Variants in CYRIB observed in about 807,000 individuals in gnomAD.
CYRIB encodes CYFIP-related Rac1 interactor B.
A neutral mutation model predicts 44.2 loss-of-function variants in CYRIB; 8 were observed. That is an observed-to-expected ratio of 0.18 (90% CI 0.11 to 0.33). The LOEUF (loss-of-function observed/expected upper bound fraction) is 0.33, where lower values mean the gene tolerates loss of function less well. Among genes scored for constraint, CYRIB ranks in the 10% least tolerant of loss-of-function variants. CYRIB has a pLI of 1.00. For missense variants in CYRIB, 185 were observed against 382.8 expected (o/e 0.48, Z 4.31); for synonymous variants, 131 against 127.2 (o/e 1.03, Z -0.20).
At chr8:129,974,563 T>C (rs1184227949) in intron 1 of CYRIB, among the ~76,000 whole-genome samples, 1 of 152,142 alleles carries the variant, frequency 6.6e-6, no homozygotes, top group African/African-American at 2.4e-5. Context: ...TAAAGTTAAT[T>C]ATCTATTATG....
chr8:129,927,618 A>G (rs1289459416), intron 1 of CYRIB, among the ~76,000 whole-genome samples: 1 of 152,238 alleles, frequency 6.6e-6, no homozygotes, highest in African/African-American at 2.4e-5. Flanking sequence ...ATATGCATAA[A>G]GATGGCTGGA....
chr8:129,915,341 T>C (rs1241133743), intron 1 of CYRIB, among the ~76,000 whole-genome samples: 1 of 152,142 alleles, frequency 6.6e-6, no homozygotes. Context: ...CAACAATAAA[T>C]ATAAATCTCA....
chr8:129,964,807 A>G (rs1225512325), intron 2 of CYRIB, among the ~76,000 whole-genome samples: 8 of 152,226 alleles, frequency 5.3e-5, no homozygotes, highest in African/African-American at 1.9e-4. Context: ...TCGAGGCTGC[A>G]GTGAGCCGTG....
chr8:129,967,350 GGTTTT>G lies in CYRIB; in HGVS notation c.-243+3588_-243+3592del, dbSNP rs371763669. Among the ~76,000 whole-genome samples, 359 of 151,248 alleles carry G rather than the reference GGTTTT, an allele frequency of 2.4e-3. 4 individuals carry two copies. Among genetic ancestry groups the G allele is most frequent in the African/African-American group, 8.1e-3 (334 of 41,136 alleles). On this transcript the variant is annotated intron_variant, in intron 2 of 14. Coordinates refer to the CYRIB transcript ENST00000401979. ...TTTCTTTCTTCTTTTTCTTTTCTTT[GGTTTT>G]GTTTTGTTTTGTTTTGTTTTTTTGT...
chr8:129,981,019 C>A (rs929711653), intron 1 of CYRIB, among the ~76,000 whole-genome samples: 1 of 151,456 alleles, frequency 6.6e-6, no homozygotes, highest in African/African-American at 2.4e-5. Context: ...AGACAAACAA[C>A]AAAACAACAT....
At chr8:129,956,345 T>A (rs1372112274) in intron 2 of CYRIB, among the ~76,000 whole-genome samples, 1 of 152,112 alleles carries the variant, frequency 6.6e-6, no homozygotes, top group East Asian at 1.9e-4. Context: ...AACATTAGAA[T>A]CATCTGGAGA....
chr8:129,855,821 T>C, intron 5 of CYRIB, 74 bp from the exon 8 acceptor site: 2 of 1,329,082 alleles, frequency 1.5e-6, no homozygotes, highest in Non-Finnish European at 1.0e-6. Context: ...AAGTGAACAA[T>C]TCATAAATGT....
At chr8:129,936,979 T>G (rs1186789303) in intron 1 of CYRIB, among the ~76,000 whole-genome samples, 1 of 152,190 alleles carries the variant, frequency 6.6e-6, no homozygotes, top group Non-Finnish European at 1.5e-5. Context: ...AGTGTTGGGA[T>G]TACAGGCGTG....
At chr8:130,012,073 A>G (rs2097235558) in intron 1 of CYRIB, among the ~76,000 whole-genome samples, 2 of 152,122 alleles carry the variant, frequency 1.3e-5, no homozygotes. Flanking sequence ...AGATTATCTT[A>G]AATATTTATA....
At chr8:129,930,421 TA>T (rs2090754286) in intron 1 of CYRIB, among the ~76,000 whole-genome samples, 1 of 133,290 alleles carries the variant, frequency 7.5e-6, no homozygotes, top group African/African-American at 2.7e-5. Flanking sequence ...CTACCCAAAC[TA>T]GGCATACTGA....
intron 1 of CYRIB, among the ~76,000 whole-genome samples, chr8:129,924,535 C>G (rs2086282998): frequency 6.6e-6 from 1 of 152,122 alleles, no homozygotes; most frequent in Admixed American, 6.5e-5. Flanking sequence ...TGGGATGTAA[C>G]TATAAAAAAC....
intron 10 of CYRIB, 93 bp downstream of exon 12, chr8:129,849,150 G>C (rs1459502010): frequency 8.2e-7 from 1 of 1,212,454 alleles, no homozygotes; most frequent in Non-Finnish European, 1.1e-6. Context: ...AGTTTTGTGA[G>C]AGTCCGGTTT....
intron 2 of CYRIB, among the ~76,000 whole-genome samples, chr8:129,963,092 A>C (rs1273707997): frequency 6.6e-6 from 1 of 152,222 alleles, no homozygotes; most frequent in African/African-American, 2.4e-5. Context: ...TTGTTGAACT[A>C]CTGGAACAGT....
intron 2 of CYRIB, chr8:129,894,469 T>C (rs962548790): frequency 1.1e-4 from 16 of 152,342 alleles, no homozygotes; most frequent in Admixed American, 2.6e-4. Flanking sequence ...TTCTGTTGTT[T>C]CGCAGCCCCA....
intron 1 of CYRIB, among the ~76,000 whole-genome samples, chr8:129,910,195 T>C (rs1485406044): frequency 6.6e-6 from 1 of 152,194 alleles, no homozygotes; most frequent in Non-Finnish European, 1.5e-5. Context: ...CCAGAATCCC[T>C]TCACTCACCC....
intron 4 of CYRIB, 34 bp from the exon 7 acceptor site, chr8:129,862,368 T>TA (rs79017100): frequency 0.031 from 38,419 of 1,226,836 alleles, 63 homozygotes; most frequent in African/African-American, 0.064. Flanking sequence ...TAGTTAGAGT[T>TA]AAAAAAAAAA....
At chr8:129,918,064 G>A (rs970435678) in intron 1 of CYRIB, among the ~76,000 whole-genome samples, 1 of 152,058 alleles carries the variant, frequency 6.6e-6, no homozygotes, top group Non-Finnish European at 1.5e-5. Flanking sequence ...TGGCCAGTAC[G>A]TACTATCAAT....
At position 129,886,661 on chromosome 8, in the gene CYRIB, T is replaced by A. The variant is rs191110504; in HGVS notation, c.-10-7190A>T. Among the ~76,000 whole-genome samples the A allele has an allele frequency of 2.2e-3, 340 of 152,268 alleles. 2 individuals carry two copies. Among genetic ancestry groups the A allele is most frequent in the Middle Eastern group, 0.021 (6 of 292 alleles). ...CACCAAAACTGCACTGGGAAGGCCA[T>A]CAGGTAACTTCCACGTTGCTAATTC... On this transcript the variant is annotated intron_variant, in intron 2 of 11. Transcript: ENST00000519824.
At chr8:129,994,517 G>A (rs754222702) in intron 1 of CYRIB, among the ~76,000 whole-genome samples, 2 of 152,108 alleles carry the variant, frequency 1.3e-5, no homozygotes, top group South Asian at 2.1e-4. Context: ...GAACTGAACC[G>A]CAGAAGCCTG....
Sources: allele counts gnomAD v4.1 joint callset (sites outside exome capture counted in the v4.1 genomes callset), GRCh38; gene constraint gnomAD v4.1.1; transcripts MANE v1.5; gene names NCBI Gene and HGNC (gene_info 2026-07-23, HGNC 2026-07-21).